Variants in LRP1B observed in about 807,000 individuals in gnomAD.
LRP1B encodes the protein low-density lipoprotein receptor-related protein 1B.
LRP1B carries 217 observed loss-of-function variants against 556.6 expected under a neutral mutation model. The observed-to-expected ratio is 0.39, with a 90% CI of 0.35 to 0.44. The LOEUF is 0.44. Ranked by LOEUF, LRP1B falls within the 20% of genes least tolerant of loss-of-function variation. The probability of loss-of-function intolerance (pLI) is 1.00; values close to 1 mark genes in which losing one functional copy is unlikely to be tolerated. For synonymous variants in LRP1B, 2,047 were observed against 1,865.8 expected (o/e 1.10, Z -2.50); for missense variants, 5,053 against 5,620.8 (o/e 0.90, Z 3.23).
intron 2 of LRP1B, among the ~76,000 whole-genome samples, chr2:141,797,536 G>C (rs1212996407): frequency 2.0e-5 from 3 of 151,880 alleles, no homozygotes; most frequent in East Asian, 3.9e-4. Context: ...TCTTCTTTTG[G>C]TATATATTTT....
chr2:140,678,932 C>T (rs1325893328), intron 41 of LRP1B, among the ~76,000 whole-genome samples: 2 of 152,180 alleles, frequency 1.3e-5, no homozygotes, highest in Non-Finnish European at 2.9e-5. Flanking sequence ...CACCTGCCAT[C>T]ATGCCCTGCT....
intron 32 of LRP1B, among the ~76,000 whole-genome samples, chr2:140,798,259 T>C (rs536600893): frequency 1.1e-4 from 16 of 152,108 alleles, no homozygotes; most frequent in Non-Finnish European, 1.5e-4. Flanking sequence ...AGTAAACAAA[T>C]CAAAATTAGA....
chr2:140,587,629 G>A (rs989922249), intron 43 of LRP1B, among the ~76,000 whole-genome samples: 17 of 152,118 alleles, frequency 1.1e-4, no homozygotes, highest in Non-Finnish European at 2.2e-4. Flanking sequence ...AGTTAGACAC[G>A]AGAAATTAAC....
intron 2 of LRP1B, among the ~76,000 whole-genome samples, chr2:141,603,718 G>A (rs933686777): frequency 2.0e-5 from 3 of 152,122 alleles, no homozygotes; most frequent in East Asian, 3.9e-4. Flanking sequence ...CTTTAAGTCC[G>A]TAATTGTGTA....
At chr2:140,843,634 T>C (rs1291001740) in intron 29 of LRP1B, among the ~76,000 whole-genome samples, 1 of 152,186 alleles carries the variant, frequency 6.6e-6, no homozygotes, top group East Asian at 1.9e-4. Context: ...TTTCATAACC[T>C]ACCCCCATCT....
At chr2:141,160,151 A>G (rs1679944298) in intron 7 of LRP1B, among the ~76,000 whole-genome samples, 1 of 152,174 alleles carries the variant, frequency 6.6e-6, no homozygotes, top group Non-Finnish European at 1.5e-5. Flanking sequence ...ACATGGCAAT[A>G]TAAGCACATG....
intron 60 of LRP1B, among the ~76,000 whole-genome samples, chr2:140,464,100 G>T (rs991106173): frequency 1.3e-5 from 2 of 152,078 alleles, no homozygotes; most frequent in African/African-American, 4.8e-5. Flanking sequence ...GGAGGCTGGG[G>T]CAGAAGAATC....
At chr2:141,876,816 A>C (rs1698781676) in intron 1 of LRP1B, among the ~76,000 whole-genome samples, 1 of 151,918 alleles carries the variant, frequency 6.6e-6, no homozygotes, top group African/African-American at 2.4e-5. Context: ...CCAACCCCCG[A>C]CACACAAATT....
At chr2:141,462,898 A>T (rs1456839502) in intron 3 of LRP1B, among the ~76,000 whole-genome samples, 4 of 152,196 alleles carry the variant, frequency 2.6e-5, no homozygotes, top group Non-Finnish European at 4.4e-5. Flanking sequence ...ATAAAACATG[A>T]TCATAAACAA....
intron 3 of LRP1B, among the ~76,000 whole-genome samples, chr2:141,451,240 T>C (rs943207935): frequency 1.3e-5 from 2 of 152,204 alleles, no homozygotes; most frequent in Non-Finnish European, 2.9e-5. Flanking sequence ...TGTGTATGAC[T>C]TCAACAGAAT....
intron 7 of LRP1B, among the ~76,000 whole-genome samples, chr2:141,119,765 C>T (rs1700999836): frequency 6.6e-6 from 1 of 151,232 alleles, no homozygotes; most frequent in South Asian, 2.1e-4. Flanking sequence ...TTCAACTCAA[C>T]TCAGAAAATC....
intron 41 of LRP1B, among the ~76,000 whole-genome samples, chr2:140,662,416 G>C (rs765661056): frequency 6.6e-6 from 1 of 151,734 alleles, no homozygotes; most frequent in African/African-American, 2.4e-5. Flanking sequence ...GATGGAAGAG[G>C]GTAATAATAC....
At chr2:141,445,729 G>A (rs567986450) in intron 3 of LRP1B, among the ~76,000 whole-genome samples, 10 of 152,282 alleles carry the variant, frequency 6.6e-5, no homozygotes, top group South Asian at 2.1e-4. Context: ...GTAGTTATGC[G>A]TTTTGATTGA....
At position 140,631,810 on chromosome 2, in the gene LRP1B, C is replaced by T. The variant is rs116455622; in HGVS notation, c.6800-30171G>A. ...TCTAGAAAGCTCAGAGAACACTAAG[C>T]AGAATAAATACTAAACTATCCACAA... is the stretch of plus-strand genomic sequence containing the variant. On this transcript the variant is annotated intron_variant, in intron 41 of 90. Transcript: ENST00000389484. Among the ~76,000 whole-genome samples the T allele has an allele frequency of 3.5e-3, 540 of 152,130 alleles. 2 individuals are homozygous for T. Among genetic ancestry groups the T allele is most frequent in the African/African-American group, 0.013 (522 of 41,526 alleles).
intron 7 of LRP1B, among the ~76,000 whole-genome samples, chr2:141,138,149 T>C (rs757746695): frequency 4.6e-5 from 7 of 152,080 alleles, no homozygotes; most frequent in African/African-American, 7.2e-5. Flanking sequence ...AGAATATCAA[T>C]GTAATTAATC....
intron 2 of LRP1B, among the ~76,000 whole-genome samples, chr2:141,660,044 G>C (rs1690153999): frequency 6.6e-6 from 1 of 152,084 alleles, no homozygotes; most frequent in Admixed American, 6.5e-5. Flanking sequence ...GGCCAAAAGG[G>C]CCAACGAGAG....
chr2:140,554,208 T>A (rs2105058862), intron 43 of LRP1B, among the ~76,000 whole-genome samples: 1 of 152,204 alleles, frequency 6.6e-6, no homozygotes, highest in African/African-American at 2.4e-5. Context: ...AGGTAAAATA[T>A]TGCCTGAGGT....
chr2:141,441,363 C>G (rs528440480), intron 3 of LRP1B, among the ~76,000 whole-genome samples: 1 of 152,280 alleles, frequency 6.6e-6, no homozygotes, highest in East Asian at 1.9e-4. Flanking sequence ...CAGGCGTGAG[C>G]CACCACACCT....
At chr2:141,748,309 C>A (rs537347089) in intron 2 of LRP1B, among the ~76,000 whole-genome samples, 1 of 152,044 alleles carries the variant, frequency 6.6e-6, no homozygotes, top group East Asian at 1.9e-4. Context: ...ATATAAAAGG[C>A]CTAGATTAAT....
Sources: gnomAD v4.1 joint callset for allele counts (sites outside exome capture counted in the v4.1 genomes callset) on GRCh38, gnomAD v4.1.1 for gene constraint, MANE v1.5 for transcripts, NCBI Gene and HGNC (gene_info 2026-07-23, HGNC 2026-07-21) for gene names.